ZNF385B: variants seen among roughly 807,000 people sequenced by gnomAD.
ZNF385B encodes zinc finger protein 533.
Under a neutral mutation model 39.2 loss-of-function variants are expected in ZNF385B, and 23 were observed. That is an observed-to-expected ratio of 0.59 (90% confidence interval 0.42 to 0.83). The LOEUF is 0.83. Among genes scored for constraint, ZNF385B ranks in the 40% least tolerant of loss-of-function variants. The pLI is 0.00. For synonymous variants in ZNF385B, 205 were observed against 222.6 expected, an observed-to-expected ratio of 0.92 and a Z score of 0.70; for missense variants, 552 against 598.9, an observed-to-expected ratio of 0.92 and a Z score of 0.82.
chr2:179,620,110 CT>C (rs1316156629), intron 3 of ZNF385B, among the ~76,000 whole-genome samples: 1 of 152,140 alleles, frequency 6.6e-6, no homozygotes, highest in East Asian at 1.9e-4. Context: ...CATTTTGCCC[CT>C]AGTCAACTTC....
intron 3 of ZNF385B, among the ~76,000 whole-genome samples, chr2:179,679,799 A>G (rs1363158667): frequency 6.6e-6 from 1 of 152,148 alleles, no homozygotes; most frequent in African/African-American, 2.4e-5. Context: ...TGATTCTGAA[A>G]TTCTGAGACT....
rs569931146 is a variant in ZNF385B, at chr2:179,749,369, T to C, written c.298+20134A>G. On this transcript the variant is annotated intron_variant, in intron 3 of 9. Transcript: ENST00000410066. ...CATTAAAAAGTACAATATCCAGCCC[T>C]TCCACCTCCTCCAAACTCCATGTAA... 2.6e-5 allele frequency among the ~76,000 whole-genome samples: 4 copies of C among 152,174 alleles called. No individual in the cohort carries two copies. The East Asian group carries it at 7.7e-4, about 29-fold the overall frequency.
chr2:179,746,650 A>G (rs1317514664), intron 3 of ZNF385B, among the ~76,000 whole-genome samples: 1 of 152,186 alleles, frequency 6.6e-6, no homozygotes, highest in Non-Finnish European at 1.5e-5. Context: ...TCATTATTTT[A>G]AAAAATCTAT....
chr2:179,537,514 C>T (rs542472205), intron 4 of ZNF385B, among the ~76,000 whole-genome samples: 3 of 151,820 alleles, frequency 2.0e-5, no homozygotes, highest in African/African-American at 4.8e-5. Flanking sequence ...CTGAGACAGG[C>T]GGATTGCCTG....
rs575680782 is a variant in ZNF385B, at chr2:179,585,821, C to T, written c.299-40852G>A. The T allele has an allele frequency of 2.0e-5, 3 of 152,328 alleles. No individual in the cohort carries two copies. In the South Asian group the frequency reaches 6.2e-4, roughly 32 times the overall value. The allele number at this position is 152,328 out of a possible 1,614,324, so 9.4% of individuals were successfully genotyped here. ...GGCTACACTGTGACCTTTATCATCT[C>T]TTCCATGTACCTCTGTAATAGCCTC... On this transcript the variant is annotated intron_variant, in intron 3 of 9. Coordinates refer to ENST00000410066, the MANE Select transcript of ZNF385B (RefSeq NM_152520.6).
At chr2:179,830,739 A>G (rs1197477439) in intron 1 of ZNF385B, among the ~76,000 whole-genome samples, 1 of 152,204 alleles carries the variant, frequency 6.6e-6, no homozygotes, top group Non-Finnish European at 1.5e-5. Flanking sequence ...GAACATGGGA[A>G]TTTTGGGGCA....
intron 3 of ZNF385B, among the ~76,000 whole-genome samples, chr2:179,698,057 GGGA>G (rs1257099769): frequency 6.6e-6 from 1 of 152,138 alleles, no homozygotes; most frequent in African/African-American, 2.4e-5. Context: ...GGAGTGAGGG[GGGA>G]GGGATAGCAT....
At chr2:179,858,677 AG>A (rs1236820259) in intron 1 of ZNF385B, among the ~76,000 whole-genome samples, 2 of 152,136 alleles carry the variant, frequency 1.3e-5, no homozygotes, top group East Asian at 3.9e-4. Context: ...AACGGCGTGG[AG>A]GGGTTATAAT....
At chr2:179,565,663 C>G (rs948735320) in intron 3 of ZNF385B, among the ~76,000 whole-genome samples, 8 of 152,216 alleles carry the variant, frequency 5.3e-5, no homozygotes, top group Admixed American at 6.5e-5. Flanking sequence ...GACATACACA[C>G]TTTATGCGTT....
intron 6 of ZNF385B, among the ~76,000 whole-genome samples, chr2:179,475,820 C>T (rs566138552): frequency 1.4e-3 from 217 of 151,052 alleles, no homozygotes; most frequent in African/African-American, 4.9e-3. Context: ...AGTTCGAGAC[C>T]AGCCTGGCTA....
Position 179,585,077 on chromosome 2 carries a change from G to A in ZNF385B, c.299-40108C>T, listed in dbSNP as rs1471488435. Among the ~76,000 whole-genome samples the A allele has an allele frequency of 2.0e-5, 3 of 152,180 alleles. No homozygotes were observed. The East Asian group carries it at 5.8e-4, about 29-fold the overall frequency. On this transcript the variant is annotated intron_variant, in intron 3 of 9. Transcript: ENST00000410066. ...GACCTTTGCCAGAAGTACCTTATTG[G>A]TATGTTCTGGGTGGCAGCCAGCTTA...
intron 5 of ZNF385B, among the ~76,000 whole-genome samples, chr2:179,516,706 T>C (rs1259367633): frequency 6.6e-6 from 1 of 152,104 alleles, no homozygotes; most frequent in African/African-American, 2.4e-5. Context: ...AGCTTGTTTT[T>C]TCATTTTCTG....
chr2:179,493,653 A>G (rs1574431973), intron 5 of ZNF385B, among the ~76,000 whole-genome samples: 1 of 131,888 alleles, frequency 7.6e-6, no homozygotes, highest in Non-Finnish European at 1.6e-5. Flanking sequence ...ATATGCGTAT[A>G]CATATATGTA....
intron 3 of ZNF385B, among the ~76,000 whole-genome samples, chr2:179,707,787 G>A (rs1004890250): frequency 6.6e-6 from 1 of 152,206 alleles, no homozygotes; most frequent in Admixed American, 6.5e-5. Flanking sequence ...GGGTGGTCTG[G>A]CAACAAATGT....
intron 6 of ZNF385B, among the ~76,000 whole-genome samples, chr2:179,450,501 G>T (rs1472570657): frequency 1.3e-5 from 2 of 152,164 alleles, no homozygotes; most frequent in Non-Finnish European, 2.9e-5. Flanking sequence ...ATGAAAAAAT[G>T]CTCATCATCA....
chr2:179,604,682 T>C (rs1688661077), intron 3 of ZNF385B, among the ~76,000 whole-genome samples: 2 of 152,126 alleles, frequency 1.3e-5, no homozygotes, highest in East Asian at 3.9e-4. Flanking sequence ...ACAAGACTTA[T>C]ATAGATATTA....
chr2:179,807,850 AC>A (rs1233474304), intron 1 of ZNF385B, among the ~76,000 whole-genome samples: 1 of 148,086 alleles, frequency 6.8e-6, no homozygotes, highest in Non-Finnish European at 1.5e-5. Context: ...AGCTGAGATC[AC>A]GCCACTGCAC....
intron 5 of ZNF385B, among the ~76,000 whole-genome samples, chr2:179,493,755 A>G (rs78619923): frequency 0.05 from 5,518 of 111,264 alleles, 164 homozygotes; most frequent in East Asian, 0.061. Context: ...ATGTGTATAT[A>G]CATATATGTA....
At chr2:179,830,587 A>G (rs1707929090) in intron 1 of ZNF385B, among the ~76,000 whole-genome samples, 1 of 152,234 alleles carries the variant, frequency 6.6e-6, no homozygotes, top group South Asian at 2.1e-4. Context: ...CTTTAAATGC[A>G]TATTACTAAG....
Sources: gnomAD v4.1 joint callset for allele counts (sites outside exome capture counted in the v4.1 genomes callset) on GRCh38, gnomAD v4.1.1 for gene constraint, MANE v1.5 for transcripts, NCBI Gene and HGNC (gene_info 2026-07-23, HGNC 2026-07-21) for gene names.